The following RCAN2 variants were observed in gnomAD, a reference collection of about 807,000 sequenced individuals.
RCAN2 encodes the protein calcipressin-2.
A neutral mutation model predicts 23.6 loss-of-function variants in RCAN2; 9 were observed. The ratio of observed to expected loss-of-function variants is 0.38; its 90% CI spans 0.23 to 0.67. The LOEUF (loss-of-function observed/expected upper bound fraction) is 0.67, where lower values mean the gene tolerates loss of function less well. Ranked by LOEUF, RCAN2 falls within the 30% of genes least tolerant of loss-of-function variation. The pLI, the probability that RCAN2 is intolerant of heterozygous loss-of-function variation, is 0.51. For synonymous variants in RCAN2, 109 were observed against 115.7 expected (o/e 0.94, Z 0.37); for missense variants, 273 against 302.3 (o/e 0.90, Z 0.72).
chr6:46,473,489 C>T (rs1768626727), intron 1 of RCAN2, among the ~76,000 whole-genome samples: 1 of 152,046 alleles, frequency 6.6e-6, no homozygotes, highest in African/African-American at 2.4e-5. Flanking sequence ...CTATAAATCA[C>T]CAATAAAATA....
intron 4 of RCAN2, among the ~76,000 whole-genome samples, chr6:46,233,188 A>C (rs758675438): frequency 7.2e-5 from 11 of 152,228 alleles, no homozygotes; most frequent in Admixed American, 1.3e-4. Context: ...GAGAACATCA[A>C]GTCACTCAAA....
At chr6:46,438,969 T>C (rs1162004344) in intron 2 of RCAN2, among the ~76,000 whole-genome samples, 1 of 152,260 alleles carries the variant, frequency 6.6e-6, no homozygotes, top group Non-Finnish European at 1.5e-5. Context: ...TTATATTGTA[T>C]ATCTTAGAAT....
At chr6:46,280,836 A>G (rs995856395) in intron 2 of RCAN2, among the ~76,000 whole-genome samples, 1 of 152,120 alleles carries the variant, frequency 6.6e-6, no homozygotes. Flanking sequence ...TCAGGGAGGT[A>G]TGTGGACACA....
intron 4 of RCAN2, 128 bp from the exon 5 acceptor site, chr6:46,223,429 G>T (rs1490303362): frequency 5.0e-6 from 4 of 801,396 alleles, no homozygotes; most frequent in Non-Finnish European, 8.0e-6. Flanking sequence ...CTTATGCAGG[G>T]ATGGCACAGG....
chr6:46,304,137 C>A (rs1316803444), intron 2 of RCAN2, among the ~76,000 whole-genome samples: 3 of 152,148 alleles, frequency 2.0e-5, no homozygotes, highest in Non-Finnish European at 4.4e-5. Flanking sequence ...TCTAGCCACC[C>A]TGTTGGGTGT....
intron 1 of RCAN2, among the ~76,000 whole-genome samples, chr6:46,481,109 G>A (rs1279148269): frequency 6.6e-6 from 1 of 152,190 alleles, no homozygotes; most frequent in Non-Finnish European, 1.5e-5. Flanking sequence ...AGGGGCCATG[G>A]CGATGAATGA....
chr6:46,308,615 T>C (rs1427456017), intron 2 of RCAN2, among the ~76,000 whole-genome samples: 2 of 151,996 alleles, frequency 1.3e-5, no homozygotes, highest in East Asian at 3.9e-4. Flanking sequence ...CTCTGGGATG[T>C]GAGGAGGGCA....
intron 2 of RCAN2, among the ~76,000 whole-genome samples, chr6:46,424,560 T>C (rs1453387729): frequency 6.6e-6 from 1 of 152,068 alleles, no homozygotes; most frequent in African/African-American, 2.4e-5. Flanking sequence ...GAATGCACTG[T>C]TGTTTTCTTC....
chr6:46,398,336 T>C (rs1766151044), intron 2 of RCAN2, among the ~76,000 whole-genome samples: 1 of 152,204 alleles, frequency 6.6e-6, no homozygotes, highest in Non-Finnish European at 1.5e-5. Flanking sequence ...ATGTATATAT[T>C]ATAACCAAGT....
intron 2 of RCAN2, among the ~76,000 whole-genome samples, chr6:46,390,602 A>T (rs759663952): frequency 1.1e-4 from 17 of 152,234 alleles, no homozygotes; most frequent in Non-Finnish European, 2.9e-5. Flanking sequence ...ATAAATGAAC[A>T]TCTGTGATTA....
intron 2 of RCAN2, among the ~76,000 whole-genome samples, chr6:46,445,836 AAGACAG>A (rs57660859): frequency 0.51 from 77,797 of 151,238 alleles, 20,235 homozygotes; most frequent in East Asian, 0.61. Context: ...TGTGAACTTG[AAGACAG>A]AGACAGGTTA....
At chr6:46,283,492 A>G (rs1374402004) in intron 2 of RCAN2, among the ~76,000 whole-genome samples, 1 of 152,160 alleles carries the variant, frequency 6.6e-6, no homozygotes, top group Non-Finnish European at 1.5e-5. Flanking sequence ...GTACACACAT[A>G]CCAATGTAAA....
intron 2 of RCAN2, among the ~76,000 whole-genome samples, chr6:46,392,538 T>A (rs146206024): frequency 2.6e-5 from 4 of 152,112 alleles, no homozygotes; most frequent in Non-Finnish European, 5.9e-5. Flanking sequence ...TAACACTTAA[T>A]GGAGGATGGG....
chr6:46,223,281 C>T lies in RCAN2; in HGVS notation c.592G>A (p.Ala198Thr). ...LGPGEKYELH[A>T]GTESTPSVVV... Reference sequence around the variant, plus strand: ...ACACTTGGGGTGGACTCAGTCCCTGCATGGAGCTCATACTTCTCTCCTGAA... The same window carrying T: ...ACACTTGGGGTGGACTCAGTCCCTGTATGGAGCTCATACTTCTCTCCTGAA... Residue 198 changes from alanine (A) to threonine (T), a missense_variant, in exon 5 of 5, where the codon GCA becomes ACA. Ala to Thr is a moderately conservative substitution (Grantham distance 58, BLOSUM62 0). Transcript: ENST00000371374. The T allele has an allele frequency of 6.2e-7, 1 of 1,613,746 alleles. No individual in the cohort carries two copies. The highest frequency in any genetic ancestry group is 1.1e-5 in the South Asian group (1 of 91,036).
intron 2 of RCAN2, among the ~76,000 whole-genome samples, chr6:46,272,971 T>C (rs888556199): frequency 6.6e-5 from 10 of 152,342 alleles, no homozygotes; most frequent in Non-Finnish European, 1.5e-4. Context: ...ATTGTAGCTG[T>C]TTTGCTTAGA....
intron 2 of RCAN2, among the ~76,000 whole-genome samples, chr6:46,330,805 T>A (rs1763942685): frequency 6.6e-6 from 1 of 152,234 alleles, no homozygotes; most frequent in Non-Finnish European, 1.5e-5. Context: ...TTATTTGTCT[T>A]TTAGAATTTA....
chr6:46,399,434 A>T (rs1766185451), intron 2 of RCAN2, among the ~76,000 whole-genome samples: 2 of 150,314 alleles, frequency 1.3e-5, no homozygotes, highest in African/African-American at 4.9e-5. Flanking sequence ...TTACAACCCA[A>T]ATCTGTTAAC....
intron 1 of RCAN2, among the ~76,000 whole-genome samples, chr6:46,484,565 G>A (rs549510822): frequency 6.6e-6 from 1 of 152,214 alleles, no homozygotes; most frequent in Non-Finnish European, 1.5e-5. Flanking sequence ...GAAGCCAGAA[G>A]AAGCAAACTG....
At chr6:46,254,985 G>A (rs1766856273) in intron 2 of RCAN2, among the ~76,000 whole-genome samples, 1 of 152,172 alleles carries the variant, frequency 6.6e-6, no homozygotes, top group Non-Finnish European at 1.5e-5. Flanking sequence ...GGATCCAGAG[G>A]TATCACCGCA....
Sources: allele counts gnomAD v4.1 joint callset (sites outside exome capture counted in the v4.1 genomes callset), GRCh38; gene constraint gnomAD v4.1.1; transcripts MANE v1.5; gene names NCBI Gene and HGNC (gene_info 2026-07-23, HGNC 2026-07-21).